GCKR: variants seen among roughly 807,000 people sequenced by gnomAD.
GCKR encodes glucokinase regulatory protein.
A neutral mutation model predicts 82.9 loss-of-function variants in GCKR; 73 were observed. That is an observed-to-expected ratio of 0.88 (90% confidence interval 0.73 to 1.07). GCKR has a LOEUF of 1.07. Ranked by LOEUF, GCKR falls within the 50% of genes least tolerant of loss-of-function variation. The probability of loss-of-function intolerance (pLI) is 0.00; values close to 1 mark genes in which losing one functional copy is unlikely to be tolerated. For synonymous variants in GCKR, 294 were observed against 291.8 expected (o/e 1.01, Z -0.08); for missense variants, 784 against 782.1 (o/e 1.00, Z -0.03).
At chr2:27,502,025 T>C (rs566763856) in intron 8 of GCKR, among the ~76,000 whole-genome samples, 11 of 152,188 alleles carry the variant, frequency 7.2e-5, no homozygotes, top group Non-Finnish European at 1.3e-4. Context: ...AAATAAACCA[T>C]TGGAGTGGGC....
chr2:27,521,764 G>A (rs1670160184), intron 17 of GCKR, among the ~76,000 whole-genome samples: 1 of 151,620 alleles, frequency 6.6e-6, no homozygotes, highest in African/African-American at 2.4e-5. Flanking sequence ...TGTTACCCAG[G>A]CTGGAGGGCA....
At chr2:27,497,675 C>G (rs75980534) in intron 3 of GCKR, 45 bp downstream of exon 3, 5 of 1,188,126 alleles carry the variant, frequency 4.2e-6, no homozygotes, top group Non-Finnish European at 6.3e-6. Flanking sequence ...TTCTGTTTCC[C>G]TCTTTCTCTT....
chr2:27,498,813 C>G lies in GCKR; in HGVS notation c.428+16C>G. The G allele has an allele frequency of 6.7e-7, 1 of 1,489,292 alleles. No homozygotes were observed. Among genetic ancestry groups the G allele is most frequent in the Non-Finnish European group, 9.4e-7 (1 of 1,066,018 alleles). The allele number at this position is 1,489,292 out of a possible 1,614,324, so 92.3% of individuals were successfully genotyped here. A position where few individuals can be genotyped will look rare whatever the true frequency, so the allele number is the denominator to read the frequency against. On this transcript the variant is annotated intron_variant, in intron 5 of 18. Transcript: ENST00000264717. ...GTGGTGACAGGTAAGCCAAGTTAGC[C>G]TATGAATATTTTGTTTGACCTAAAT...
chr2:27,502,966 CATTT>C (rs755220846), intron 8 of GCKR, among the ~76,000 whole-genome samples: 1 of 152,200 alleles, frequency 6.6e-6, no homozygotes, highest in Admixed American at 6.5e-5. Flanking sequence ...CTCATGAACA[CATTT>C]ATTTGTTCCC....
intron 16 of GCKR, among the ~76,000 whole-genome samples, chr2:27,516,447 C>T (rs905885924): frequency 7.2e-5 from 11 of 151,812 alleles, no homozygotes; most frequent in African/African-American, 1.9e-4. Context: ...CGCGCCACTA[C>T]ACCAGGCAAA....
In GCKR at chr2:27,497,334, C is replaced by T. The variant is rs375836361; in HGVS notation, c.151C>T (p.Arg51Ter). Reference sequence around the variant, plus strand: ...CAAAGCAGATGCTGAGAACATTGTTCGACTGCTAGGGCAATGTGATGCTGA... The same window carrying T: ...CAAAGCAGATGCTGAGAACATTGTTTGACTGCTAGGGCAATGTGATGCTGA... ...LDKADAENIV[R>*]LLGQCDAEIF... The change falls in exon 2 of 19, where the codon CGA (arginine) becomes TGA (stop). Residue 51 changes from arginine to a stop codon, truncating the protein, a stop_gained. Coordinates refer to ENST00000264717, the MANE Select transcript of GCKR (RefSeq NM_001486.4). LOFTEE classifies it high-confidence loss of function. The T allele has an allele frequency of 3.4e-5, 55 of 1,614,000 alleles. No individual in the cohort carries two copies. In the African/African-American group the frequency reaches 3.5e-4, roughly 10 times the overall value.
At chr2:27,513,375 C>CA (rs1433548784) in intron 16 of GCKR, among the ~76,000 whole-genome samples, 1 of 151,954 alleles carries the variant, frequency 6.6e-6, no homozygotes, top group African/African-American at 2.4e-5. Flanking sequence ...TACTAAAATA[C>CA]AAAAATTAGC....
Position 27,497,641 on chromosome 2 carries a change from T to G in GCKR, c.285+11T>G, listed in dbSNP as rs1303613797. The stretch of plus-strand genomic sequence containing the variant: ...CAGGAAGTGCTGAAGGTACTAACCT[T>G]CCTTCTGTTCCCTGCCTAAACTTTT... On this transcript the variant is annotated intron_variant, in intron 3 of 18. Coordinates refer to ENST00000264717, the MANE Select transcript of GCKR (RefSeq NM_001486.4). The G allele has an allele frequency of 6.4e-7, 1 of 1,559,568 alleles. No homozygotes were observed. The highest frequency in any genetic ancestry group is 8.8e-7 in the Non-Finnish European group (1 of 1,130,424).
intron 16 of GCKR, chr2:27,509,775 C>A (rs375739975): frequency 7.8e-4 from 97 of 124,832 alleles, no homozygotes; most frequent in South Asian, 9.9e-4. Flanking sequence ...CTACCATCTT[C>A]AAAAAAAAAA....
In GCKR at chr2:27,518,793, C is replaced by T. The variant is rs1472046175; in HGVS notation, c.1428C>T (p.Phe476=). 1 of 1,613,328 alleles carries T rather than the reference C, an allele frequency of 6.2e-7. No individual in the cohort carries two copies. The highest frequency in any genetic ancestry group is 1.1e-5 in the South Asian group (1 of 91,068). The part of the protein sequence containing the change: ...FEYEGNFIQK[F]QRELSTKWVL... ...CATGTGTCTGCCCTTTTCAGAAGTT[C>T]CAGCGTGAGCTAAGCACCAAATGGG... is the stretch of plus-strand genomic sequence containing the variant. Residue 476 remains phenylalanine (F), a synonymous_variant, in exon 17 of 19, where the codon TTC becomes TTT. Transcript: ENST00000264717.
rs1458144973 is a variant in GCKR, at chr2:27,507,720, TC to T, written c.1185del (p.Ile396SerfsTer27). The part of the protein sequence containing the change: ...FTFSQEDFLT[S>X]ILPSLTEIDT... ...CTTCTCCCAGGAGGACTTCCTGACT[TC>T]CATCCTTCCCTCTCTCACGGAAATC... On this transcript the variant is annotated frameshift_variant, in exon 14 of 19. Transcript: ENST00000264717. LOFTEE classifies it high-confidence loss of function. The T allele has an allele frequency of 1.9e-6, 3 of 1,609,978 alleles. No individual in the cohort carries two copies. The Admixed American group carries it at 5.0e-5, about 27-fold the overall frequency.
intron 17 of GCKR, among the ~76,000 whole-genome samples, chr2:27,521,561 T>C (rs2148594157): frequency 6.7e-6 from 1 of 149,678 alleles, no homozygotes; most frequent in South Asian, 2.1e-4. Flanking sequence ...CAGGCTGGTC[T>C]CCAACTCCTG....
At chr2:27,513,376 A>G (rs1393434925) in intron 16 of GCKR, among the ~76,000 whole-genome samples, 1 of 152,014 alleles carries the variant, frequency 6.6e-6, no homozygotes, top group East Asian at 1.9e-4. Flanking sequence ...ACTAAAATAC[A>G]AAAATTAGCC....
chr2:27,506,410 G>A lies in GCKR; in HGVS notation c.870-71G>A, dbSNP rs8179214. On this transcript the variant is annotated intron_variant, in intron 10 of 18. Transcript: ENST00000264717. ...AAGGGAGCTGTGCCTTCACCTCCCC[G>A]CTCAGGGAGGCACCTAAGCTTTCTG... The A allele has an allele frequency of 5.7e-4, 574 of 1,003,792 alleles. 2 individuals are homozygous for A. In the African/African-American group the frequency reaches 7.6e-3, roughly 13 times the overall value. The allele number at this position is 1,003,792 out of a possible 1,614,324, so 62.2% of individuals were successfully genotyped here. A position where few individuals can be genotyped will look rare whatever the true frequency, so the allele number is the denominator to read the frequency against.
chr2:27,499,254 T>C, intron 6 of GCKR, 46 bp downstream of exon 6: 2 of 1,445,736 alleles, frequency 1.4e-6, no homozygotes, highest in Non-Finnish European at 1.9e-6. Context: ...TATCTGTTCC[T>C]TCTCATGGGG....
At chr2:27,498,980 G>A (rs1307790449) in intron 5 of GCKR, among the ~76,000 whole-genome samples, 162 bp from the exon 6 acceptor site, 1 of 152,168 alleles carries the variant, frequency 6.6e-6, no homozygotes, top group East Asian at 1.9e-4. Context: ...AGGTATTTGA[G>A]TTTTTCAACT....
At chr2:27,518,205 C>G (rs780096) in intron 16 of GCKR, among the ~76,000 whole-genome samples, 84,417 of 151,970 alleles carry the variant, frequency 0.56, 23,595 homozygotes, top group South Asian at 0.7. Context: ...GCCACCACTC[C>G]TAGCTAATTT....
intron 10 of GCKR, 80 bp downstream of exon 10, chr2:27,505,916 CCA>C: frequency 1.2e-6 from 1 of 831,004 alleles, no homozygotes; most frequent in South Asian, 1.3e-5. Context: ...AGGTCTAGAT[CCA>C]AGGACTGGGC....
Position 27,516,283 on chromosome 2 carries a change from G to GTTTTTTTTTTTTTT in GCKR, c.1423-2493_1423-2480dup, listed in dbSNP as rs35189790. ...CCAATAGGGTTTGTTCTTCATTCTT[G>GTTTTTTTTTTTTTT]TTTTTTTTTTTTTTTTTTTTTTTTT... On this transcript the variant is annotated intron_variant, in intron 16 of 18. Transcript: ENST00000264717. Among the ~76,000 whole-genome samples, 32 of 58,520 alleles carry GTTTTTTTTTTTTTT rather than the reference G, an allele frequency of 5.5e-4. 1 individual carries two copies. The highest frequency in any genetic ancestry group is 7.1e-4 in the African/African-American group (9 of 12,638). The allele number at this position is 58,520 out of a possible 152,430, so 38.4% of individuals were successfully genotyped here.
Sources: allele counts gnomAD v4.1 joint callset (sites outside exome capture counted in the v4.1 genomes callset), GRCh38; gene constraint gnomAD v4.1.1; transcripts MANE v1.5; gene names NCBI Gene and HGNC (gene_info 2026-07-23, HGNC 2026-07-21).